The following MAGI2 variants were observed in gnomAD, a reference collection of about 807,000 sequenced individuals.
The protein encoded by MAGI2 is membrane associated guanylate kinase, WW and PDZ domain containing 2.
A neutral mutation model predicts 133.3 loss-of-function variants in MAGI2; 35 were observed. The observed-to-expected ratio is 0.26, with a 90% CI of 0.20 to 0.35. The LOEUF is 0.35. MAGI2 is among the 10% of genes least tolerant of loss of function. MAGI2 has a pLI of 1.00. For missense variants in MAGI2, 1,636 were observed against 1,863.4 expected, an observed-to-expected ratio of 0.88 and a Z score of 2.25; for synonymous variants, 729 against 710.6, an observed-to-expected ratio of 1.03 and a Z score of -0.41.
chr7:78,305,210 C>T (rs1584803156), intron 9 of MAGI2, among the ~76,000 whole-genome samples: 1 of 152,106 alleles, frequency 6.6e-6, no homozygotes, highest in East Asian at 1.9e-4. Context: ...TGATTTTCTC[C>T]ATCTGGAATG....
At chr7:79,388,269 C>T (rs1242890259) in intron 1 of MAGI2, among the ~76,000 whole-genome samples, 2 of 151,942 alleles carry the variant, frequency 1.3e-5, no homozygotes, top group East Asian at 1.9e-4. Context: ...CCTAACTTTT[C>T]TATTGCATTC....
intron 3 of MAGI2, chr7:78,568,010 A>T (rs1406137580): frequency 6.6e-6 from 1 of 152,232 alleles, no homozygotes; most frequent in African/African-American, 2.4e-5. Flanking sequence ...CTGAGCTGTG[A>T]ACAGCATTTG....
At position 78,663,059 on chromosome 7, in the gene MAGI2, G is replaced by T. The variant is rs1813148778; in HGVS notation, c.419-35820C>A. ...AGAACTCTAACCATTAAGCAACACT[G>T]CAAATTTGAATGGAACTAAATTAGC... On this transcript the variant is annotated intron_variant, in intron 2 of 21. Transcript: ENST00000354212. Among the ~76,000 whole-genome samples the T allele has an allele frequency of 2.0e-5, 3 of 152,034 alleles. No homozygotes were observed. The South Asian group carries it at 6.2e-4, about 32-fold the overall frequency.
intron 2 of MAGI2, among the ~76,000 whole-genome samples, chr7:78,945,105 A>G (rs1431632829): frequency 6.6e-6 from 1 of 151,970 alleles, no homozygotes; most frequent in Non-Finnish European, 1.5e-5. Context: ...CCCACACTGG[A>G]GTGTGGAGTG....
intron 6 of MAGI2, among the ~76,000 whole-genome samples, chr7:78,437,377 A>G (rs1800399267): frequency 6.6e-6 from 1 of 152,220 alleles, no homozygotes; most frequent in Non-Finnish European, 1.5e-5. Flanking sequence ...TGCAAAAAGA[A>G]TTTGTACTTT....
At chr7:79,069,729 G>T (rs1814760588) in intron 1 of MAGI2, among the ~76,000 whole-genome samples, 1 of 152,086 alleles carries the variant, frequency 6.6e-6, no homozygotes, top group South Asian at 2.1e-4. Flanking sequence ...GTATGTTTTT[G>T]CAGTGGCTGC....
At chr7:78,164,874 T>C (rs1451248190) in intron 15 of MAGI2, among the ~76,000 whole-genome samples, 1 of 152,224 alleles carries the variant, frequency 6.6e-6, no homozygotes, top group African/African-American at 2.4e-5. Flanking sequence ...AAAGCTGATC[T>C]GCTAAACATA....
chr7:78,668,096 G>C (rs2151063243), intron 2 of MAGI2, among the ~76,000 whole-genome samples: 1 of 152,284 alleles, frequency 6.6e-6, no homozygotes, highest in East Asian at 1.9e-4. Flanking sequence ...TAACTGGTGT[G>C]AGATGGTATC....
intron 2 of MAGI2, among the ~76,000 whole-genome samples, chr7:78,876,704 A>T (rs1795451797): frequency 6.6e-6 from 1 of 152,228 alleles, no homozygotes. Context: ...ATGCCAGAAT[A>T]GTTTAAAATA....
chr7:78,051,643 G>A (rs1812011345), intron 21 of MAGI2, among the ~76,000 whole-genome samples: 1 of 152,130 alleles, frequency 6.6e-6, no homozygotes, highest in South Asian at 2.1e-4. Context: ...GGAGTGCAGT[G>A]GCGCGATCTT....
intron 2 of MAGI2, among the ~76,000 whole-genome samples, chr7:78,836,364 A>G (rs1237514815): frequency 6.6e-6 from 1 of 152,198 alleles, no homozygotes; most frequent in Non-Finnish European, 1.5e-5. Context: ...ATTATGGCAC[A>G]GTATCAGATC....
At chr7:79,369,820 A>G (rs1208984478) in intron 1 of MAGI2, among the ~76,000 whole-genome samples, 1 of 151,180 alleles carries the variant, frequency 6.6e-6, no homozygotes, top group Admixed American at 6.7e-5. Context: ...AGTTAATTAT[A>G]TTTGTGTTTT....
chr7:79,136,048 G>GGAAAGAAA (rs1397100255), intron 1 of MAGI2, among the ~76,000 whole-genome samples: 1 of 64,454 alleles, frequency 1.6e-5, no homozygotes, highest in African/African-American at 6.0e-5. Flanking sequence ...AAAGAAAGAA[G>GGAAAGAAA]GAAAGAAAGA....
intron 1 of MAGI2, among the ~76,000 whole-genome samples, chr7:79,383,253 C>T (rs1048593924): frequency 1.3e-5 from 2 of 151,446 alleles, no homozygotes; most frequent in Non-Finnish European, 3.0e-5. Context: ...GAAGGAATGT[C>T]CAGGATGCTT....
At position 79,014,960 on chromosome 7, in the gene MAGI2, G is replaced by A. The variant is rs141045572; in HGVS notation, c.302-7754C>T. 2.7e-3 allele frequency among the ~76,000 whole-genome samples: 416 copies of A among 152,172 alleles called. 3 individuals carry two copies. The highest frequency in any genetic ancestry group is 9.2e-3 in the African/African-American group (382 of 41,530). The stretch of plus-strand genomic sequence containing the variant: ...TTCTTGGTAAGTCCAATTTAAGAAT[G>A]CATCCACATTAATAAAAAAGCAAAA... On this transcript the variant is annotated intron_variant, in intron 1 of 21. Transcript: ENST00000354212.
rs551343974 is a variant in MAGI2 at position 79,356,401 on chromosome 7, C to T, written c.301+96619G>A. ...ACATGCATCTATATTCAGTAAGTCA[C>T]GACTTCTGCAGTGTTTGCTCTCTAA... On this transcript the variant is annotated intron_variant, in intron 1 of 21. Transcript: ENST00000354212. 8.5e-5 allele frequency among the ~76,000 whole-genome samples: 13 copies of T among 152,108 alleles called. No individual in the cohort carries two copies. In the South Asian group the frequency reaches 1.5e-3, roughly 17 times the overall value.
chr7:78,076,823 G>C (rs1489123546), intron 21 of MAGI2, among the ~76,000 whole-genome samples: 1 of 132,614 alleles, frequency 7.5e-6, no homozygotes, highest in Non-Finnish European at 1.5e-5. Context: ...TCCGCAGTCC[G>C]GCCTGGGCGA....
chr7:78,204,858 G>C (rs1203425707), intron 10 of MAGI2, among the ~76,000 whole-genome samples: 5 of 152,146 alleles, frequency 3.3e-5, no homozygotes, highest in African/African-American at 1.2e-4. Context: ...ATAGAAACTA[G>C]ATGCATTTTT....
chr7:79,126,956 C>G, intron 1 of MAGI2, among the ~76,000 whole-genome samples: 1 of 151,430 alleles, frequency 6.6e-6, no homozygotes, highest in Admixed American at 6.6e-5. Flanking sequence ...CCTCCTCCCC[C>G]CACCCCACAA....
Sources: allele counts gnomAD v4.1 joint callset (sites outside exome capture counted in the v4.1 genomes callset), GRCh38; gene constraint gnomAD v4.1.1; transcripts MANE v1.5; gene names NCBI Gene and HGNC (gene_info 2026-07-23, HGNC 2026-07-21).